The following GPHN variants were observed in gnomAD, a reference collection of about 807,000 sequenced individuals.
The protein encoded by GPHN is gephyrin.
In GPHN, 17 loss-of-function variants were observed where a neutral mutation model predicts 95.5. The ratio of observed to expected loss-of-function variants is 0.18; its 90% CI spans 0.12 to 0.27. The LOEUF is 0.27. Ranked by LOEUF, GPHN falls within the 10% of genes least tolerant of loss-of-function variation. The pLI is 1.00. For synonymous variants in GPHN, 320 were observed against 322.5 expected, an observed-to-expected ratio of 0.99 and a Z score of 0.08; for missense variants, 660 against 978.1, an observed-to-expected ratio of 0.67 and a Z score of 4.34.
intron 8 of GPHN, among the ~76,000 whole-genome samples, chr14:66,959,620 T>G (rs1033950632): frequency 2.6e-5 from 4 of 152,154 alleles, no homozygotes; most frequent in Non-Finnish European, 5.9e-5. Context: ...ATGGTTTCTT[T>G]TGAAAATCAG....
chr14:67,347,143 C>T, the GPHN span, among the ~76,000 whole-genome samples: 9 of 152,096 alleles, frequency 5.9e-5, no homozygotes, highest in African/African-American at 2.2e-4. Flanking sequence ...GCCACCACAC[C>T]TGGCTGATTT....
the GPHN span, chr14:67,646,462 C>T: frequency 1.4e-5 from 8 of 571,064 alleles, no homozygotes; most frequent in Admixed American, 2.6e-4. Context: ...CTCAGCTGCC[C>T]TTCTGAAACA....
intron 1 of GPHN, among the ~76,000 whole-genome samples, chr14:66,615,964 A>G (rs1240225581): frequency 2.0e-5 from 3 of 151,980 alleles, no homozygotes; most frequent in Non-Finnish European, 2.9e-5. Context: ...AGGACCATTT[A>G]TTGAATAGGG....
chr14:67,159,848 C>A (rs535772184), intron 19 of GPHN, among the ~76,000 whole-genome samples: 1 of 151,948 alleles, frequency 6.6e-6, no homozygotes, highest in Non-Finnish European at 1.5e-5. Flanking sequence ...AAGTAGGGAA[C>A]GAACCCCCAC....
At chr14:67,464,075 AGT>A in the GPHN span, among the ~76,000 whole-genome samples, 17 of 150,796 alleles carry the variant, frequency 1.1e-4, no homozygotes, top group Admixed American at 2.0e-4. Context: ...TATGTGTGAG[AGT>A]GTGTGTGTGT....
At chr14:67,503,191 G>A in the GPHN span, among the ~76,000 whole-genome samples, 1 of 152,182 alleles carries the variant, frequency 6.6e-6, no homozygotes, top group Admixed American at 6.5e-5. Context: ...AAAATGACAA[G>A]AGGAGTTAAA....
intron 10 of GPHN, among the ~76,000 whole-genome samples, chr14:67,034,555 G>C (rs974062253): frequency 5.3e-5 from 8 of 152,046 alleles, no homozygotes; most frequent in Admixed American, 1.3e-4. Flanking sequence ...ACTCATGCTA[G>C]ATGTAAAGAC....
chr14:67,697,841 C>A, the GPHN span, among the ~76,000 whole-genome samples: 1 of 152,170 alleles, frequency 6.6e-6, no homozygotes, highest in African/African-American at 2.4e-5. Flanking sequence ...GATTTCTGTA[C>A]ATGTAAGCTC....
intron 11 of GPHN, among the ~76,000 whole-genome samples, chr14:67,063,841 T>C (rs2075924366): frequency 1.3e-5 from 2 of 152,208 alleles, no homozygotes; most frequent in Admixed American, 6.5e-5. Context: ...GCTGAGACGA[T>C]GGAGTTTTCT....
intron 2 of GPHN, among the ~76,000 whole-genome samples, chr14:66,704,757 G>C (rs955534655): frequency 1.3e-5 from 2 of 152,096 alleles, no homozygotes; most frequent in African/African-American, 4.8e-5. Context: ...AAAAGAGCTA[G>C]AGACGCAAGA....
the GPHN span, chr14:67,336,501 G>A: frequency 3.5e-6 from 1 of 289,272 alleles, no homozygotes; most frequent in Non-Finnish European, 6.9e-6. Flanking sequence ...GAGAAATCTA[G>A]GGTCCTTTGG....
At chr14:67,695,594 A>G in the GPHN span, 1 of 1,582,274 alleles carries the variant, frequency 6.3e-7, no homozygotes, top group Non-Finnish European at 8.6e-7. Flanking sequence ...CCCCGCAACA[A>G]GAATTCTCAA....
chr14:67,193,928 G>C, the GPHN span, among the ~76,000 whole-genome samples: 2 of 123,256 alleles, frequency 1.6e-5, no homozygotes, highest in African/African-American at 6.9e-5. Context: ...CTGTGTGACA[G>C]AGCAAGACCC....
At chr14:67,534,764 G>A in the GPHN span, among the ~76,000 whole-genome samples, 1 of 152,030 alleles carries the variant, frequency 6.6e-6, no homozygotes, top group Non-Finnish European at 1.5e-5. Flanking sequence ...CTGTAGGGGA[G>A]AGCATGTTCC....
intron 5 of GPHN, among the ~76,000 whole-genome samples, chr14:66,891,124 A>G (rs2064473281): frequency 6.6e-6 from 1 of 151,998 alleles, no homozygotes; most frequent in South Asian, 2.1e-4. Context: ...CCAAATTGGA[A>G]AGGAAGAAGT....
chr14:67,222,918 G>C, the GPHN span, among the ~76,000 whole-genome samples: 1 of 151,130 alleles, frequency 6.6e-6, no homozygotes, highest in African/African-American at 2.4e-5. Context: ...ACGTACAAGA[G>C]TCAGTCCCAC....
In GPHN at chr14:66,789,265, A is replaced by G. The variant is rs2059889577; in HGVS notation, c.201+12744A>G. On this transcript the variant is annotated intron_variant, in intron 3 of 22. Coordinates refer to ENST00000478722, the MANE Select transcript of GPHN (RefSeq NM_020806.5). ...TCTAGCCAAATAATTCCACATTTCC[A>G]TGCCTTCTTATAATCTTTTACCAAA... Among the ~76,000 whole-genome samples the G allele has an allele frequency of 2.0e-5, 3 of 152,202 alleles. No individual in the cohort carries two copies. In the South Asian group the frequency reaches 6.2e-4, roughly 31 times the overall value.
chr14:67,105,861 A>T (rs1428261002), intron 13 of GPHN, among the ~76,000 whole-genome samples: 2 of 152,032 alleles, frequency 1.3e-5, no homozygotes, highest in Non-Finnish European at 2.9e-5. Context: ...GACTCCTGTC[A>T]TTTCATTGTT....
the GPHN span, among the ~76,000 whole-genome samples, chr14:67,193,187 CATCT>C: frequency 2.7e-3 from 331 of 121,154 alleles, 1 homozygote; most frequent in Non-Finnish European, 3.0e-3. Flanking sequence ...TCTATATAGA[CATCT>C]ATCTATATAT....
Sources: allele counts gnomAD v4.1 joint callset (sites outside exome capture counted in the v4.1 genomes callset), GRCh38; gene constraint gnomAD v4.1.1; transcripts MANE v1.5; gene names NCBI Gene and HGNC (gene_info 2026-07-23, HGNC 2026-07-21).